Variants in PRKG1 observed in about 807,000 individuals in gnomAD.
PRKG1 encodes the protein cGMP-dependent protein kinase 1.
Under a neutral mutation model 88.1 loss-of-function variants are expected in PRKG1, and 35 were observed. That is an observed-to-expected ratio of 0.40 (90% CI 0.30 to 0.53). The LOEUF is 0.53. PRKG1 is among the 20% of genes least tolerant of loss of function. The pLI, the probability that PRKG1 is intolerant of heterozygous loss-of-function variation, is 0.59. For missense variants in PRKG1, 540 were observed against 839.8 expected, an observed-to-expected ratio of 0.64 and a Z score of 4.41; for synonymous variants, 303 against 292.5, an observed-to-expected ratio of 1.04 and a Z score of -0.37.
intron 7 of PRKG1, among the ~76,000 whole-genome samples, chr10:52,126,507 TTC>T (rs1847934162): frequency 6.6e-6 from 1 of 152,136 alleles, no homozygotes; most frequent in Non-Finnish European, 1.5e-5. Flanking sequence ...GCAAAAATAC[TTC>T]TTTTTCTTTC....
At chr10:51,464,650 G>C (rs1305551574) in intron 2 of PRKG1, among the ~76,000 whole-genome samples, 2 of 151,944 alleles carry the variant, frequency 1.3e-5, no homozygotes, top group Non-Finnish European at 2.9e-5. Flanking sequence ...CCAGCACTTT[G>C]GGAGGCCGAG....
intron 5 of PRKG1, among the ~76,000 whole-genome samples, chr10:51,945,760 C>A (rs1161951496): frequency 6.6e-6 from 1 of 151,170 alleles, no homozygotes; most frequent in Non-Finnish European, 1.5e-5. Context: ...AAATTCTTTT[C>A]TTTAAGAATG....
Position 51,153,349 on chromosome 10 carries a change from A to G in PRKG1, c.478+19A>G, listed in dbSNP as rs757320034. The G allele has an allele frequency of 8.9e-6, 14 of 1,567,028 alleles. No homozygotes were observed. In the East Asian group the frequency reaches 9.3e-5, roughly 10 times the overall value. On this transcript the variant is annotated intron_variant, in intron 2 of 17. Transcript: ENST00000373980. ...ATGGAAGGTACGGTTTGTAACTCCA[A>G]TCCTCTGACATTCAAATATTCTTTT...
chr10:51,212,332 C>T (rs1476310954), intron 2 of PRKG1, among the ~76,000 whole-genome samples: 1 of 151,960 alleles, frequency 6.6e-6, no homozygotes, highest in Admixed American at 6.6e-5. Flanking sequence ...GGATTAAAGA[C>T]TTACATGTTA....
chr10:51,687,271 C>T (rs1431048451), intron 3 of PRKG1, among the ~76,000 whole-genome samples: 1 of 152,118 alleles, frequency 6.6e-6, no homozygotes, highest in Non-Finnish European at 1.5e-5. Context: ...GTTTTGCTAC[C>T]ATTTCCAATA....
chr10:51,614,795 C>T (rs78569263), intron 3 of PRKG1, among the ~76,000 whole-genome samples: 6,095 of 151,978 alleles, frequency 0.04, 172 homozygotes, highest in Middle Eastern at 0.085. Context: ...CCAAAGCTGA[C>T]CTAGTGGTCA....
intron 3 of PRKG1, among the ~76,000 whole-genome samples, chr10:51,790,105 C>T (rs1589289093): frequency 6.6e-6 from 1 of 152,110 alleles, no homozygotes; most frequent in Non-Finnish European, 1.5e-5. Context: ...TTACAGGCGT[C>T]AGCCACCACA....
chr10:51,187,458 A>G (rs927460703), intron 2 of PRKG1, among the ~76,000 whole-genome samples: 3 of 152,046 alleles, frequency 2.0e-5, no homozygotes, highest in South Asian at 4.1e-4. Flanking sequence ...GTTATTTAAA[A>G]GTTGACCTTT....
chr10:52,157,306 G>GAGAGATAT (rs1289803162), intron 8 of PRKG1, among the ~76,000 whole-genome samples: 10 of 125,936 alleles, frequency 7.9e-5, no homozygotes, highest in African/African-American at 1.7e-4. Context: ...TGAGTTAGTT[G>GAGAGATAT]ATATATATAT....
rs112751146 is a variant in PRKG1 at position 52,122,386 on chromosome 10, A to T, written c.936-11454A>T. Among the ~76,000 whole-genome samples the T allele has an allele frequency of 8.2e-3, 1,254 of 152,288 alleles. 19 individuals carry two copies. The highest frequency in any genetic ancestry group is 0.029 in the African/African-American group (1,188 of 41,564). Reference sequence around the variant, plus strand: ...GTTTCCAAGACATAAATTCTGGGGGATACGTTCAAACCATAACACACCTAT... The same window carrying T: ...GTTTCCAAGACATAAATTCTGGGGGTTACGTTCAAACCATAACACACCTAT... On this transcript the variant is annotated intron_variant, in intron 7 of 17. Coordinates refer to ENST00000373980, the MANE Select transcript of PRKG1 (RefSeq NM_006258.4).
chr10:51,173,381 A>C (rs774560920), intron 2 of PRKG1, among the ~76,000 whole-genome samples: 4 of 151,576 alleles, frequency 2.6e-5, no homozygotes, highest in Non-Finnish European at 4.4e-5. Context: ...GGACCATGTA[A>C]ATTTTCAATT....
rs547906074 is a variant in PRKG1 at position 52,293,991 on chromosome 10, T to G, written c.*91T>G. On this transcript the variant is annotated 3_prime_UTR_variant, in exon 18 of 18. Transcript: ENST00000373980. ...ACCTGAGGGAAAGAGAGAAGATTAG[T>G]GCTCGGGGTCACCATGATGCCTTTG... 274 of 1,076,194 alleles carry G rather than the reference T, an allele frequency of 2.5e-4. 2 individuals carry two copies. In the South Asian group the frequency reaches 3.5e-3, roughly 14 times the overall value. 66.7% of individuals were successfully genotyped at this position (1,076,194 alleles called of 1,614,324 possible).
chr10:51,578,183 T>G (rs937149672), intron 3 of PRKG1, among the ~76,000 whole-genome samples: 9 of 152,100 alleles, frequency 5.9e-5, no homozygotes, highest in Non-Finnish European at 1.2e-4. Flanking sequence ...AATAGATAAA[T>G]CTAAGCACAC....
At chr10:52,067,661 C>T (rs957438472) in intron 7 of PRKG1, among the ~76,000 whole-genome samples, 1 of 151,772 alleles carries the variant, frequency 6.6e-6, no homozygotes, top group African/African-American at 2.4e-5. Flanking sequence ...AAATTTGAGT[C>T]TCTTTCACTT....
intron 4 of PRKG1, among the ~76,000 whole-genome samples, chr10:51,884,400 G>C (rs1247564265): frequency 2.5e-5 from 3 of 117,652 alleles, no homozygotes; most frequent in Non-Finnish European, 4.9e-5. Flanking sequence ...AGTCGAGATC[G>C]CGCCACTGCA....
intron 5 of PRKG1, among the ~76,000 whole-genome samples, chr10:51,945,854 G>A (rs1203732819): frequency 2.0e-5 from 3 of 151,644 alleles, no homozygotes; most frequent in Admixed American, 6.6e-5. Flanking sequence ...TCTCTTTGTG[G>A]GTAACCCGAC....
chr10:51,635,686 G>C (rs1240416213), intron 3 of PRKG1, among the ~76,000 whole-genome samples: 1 of 152,130 alleles, frequency 6.6e-6, no homozygotes, highest in Non-Finnish European at 1.5e-5. Context: ...TTTAACACAT[G>C]ATTTCTGTCT....
intron 14 of PRKG1, among the ~76,000 whole-genome samples, chr10:52,286,585 C>A (rs1387455211): frequency 6.6e-6 from 1 of 151,894 alleles, no homozygotes; most frequent in Non-Finnish European, 1.5e-5. Context: ...CTTAAAATAA[C>A]ACTAAAACCA....
At chr10:51,065,330 T>C (rs1843736367) in intron 1 of PRKG1, among the ~76,000 whole-genome samples, 1 of 151,710 alleles carries the variant, frequency 6.6e-6, no homozygotes, top group Non-Finnish European at 1.5e-5. Flanking sequence ...AGAAAGAAGG[T>C]GAGATTATGG....
Sources: gnomAD v4.1 joint callset for allele counts (sites outside exome capture counted in the v4.1 genomes callset) on GRCh38, gnomAD v4.1.1 for gene constraint, MANE v1.5 for transcripts, NCBI Gene and HGNC (gene_info 2026-07-23, HGNC 2026-07-21) for gene names.